Variants in ASPHD2 observed in about 807,000 individuals in gnomAD.
ASPHD2 encodes aspartate beta-hydroxylase domain-containing protein 2.
In ASPHD2, 12 loss-of-function variants were observed where a neutral mutation model predicts 34.6. The observed-to-expected ratio is 0.35, with a 90% CI of 0.22 to 0.56. The LOEUF (loss-of-function observed/expected upper bound fraction) is 0.56, where lower values mean the gene tolerates loss of function less well. ASPHD2 is among the 20% of genes least tolerant of loss of function. ASPHD2 has a pLI of 0.87. For synonymous variants in ASPHD2, 224 were observed against 212.2 expected (o/e 1.06, Z -0.48); for missense variants, 375 against 505.0 (o/e 0.74, Z 2.47).
Position 26,434,275 on chromosome 22 carries a change from G to A in ASPHD2, c.660G>A (p.Met220Ile), listed in dbSNP as rs1245030348. Residue 220 changes from methionine (M) to isoleucine (I), a missense_variant, in exon 2 of 4, where the codon ATG becomes ATA. Around this residue, in one of 3 missense-constraint regions of ASPHD2, gnomAD observed 142 missense variants for 217.9 expected, o/e 0.65. Coordinates refer to ENST00000215906, the MANE Select transcript of ASPHD2 (RefSeq NM_020437.5). ...SNCSLPQGWK[M>I]NSTPSGEWFT... ...GCAGCCTCCCGCAAGGATGGAAAAT[G>A]AACAGCACCCCCAGCGGGGAGTGGT... 1.2e-6 allele frequency: 2 copies of A among 1,614,130 alleles called. No individual in the cohort carries two copies. Among genetic ancestry groups the A allele is most frequent in the South Asian group, 1.1e-5 (1 of 91,086 alleles).
chr22:26,435,791 T>G (rs1047067724), intron 2 of ASPHD2, among the ~76,000 whole-genome samples: 1 of 151,660 alleles, frequency 6.6e-6, no homozygotes, highest in African/African-American at 2.4e-5. Flanking sequence ...GCAATTGACA[T>G]GGTAGGAATT....
intron 2 of ASPHD2, among the ~76,000 whole-genome samples, chr22:26,435,062 C>T (rs949358216): frequency 4.6e-5 from 7 of 152,108 alleles, no homozygotes; most frequent in South Asian, 2.1e-4. Context: ...TGGTCGTATG[C>T]GTACTGTGTG....
At chr22:26,438,638 T>C (rs1156298020) in intron 2 of ASPHD2, among the ~76,000 whole-genome samples, 6 of 35,956 alleles carry the variant, frequency 1.7e-4, no homozygotes, top group Non-Finnish European at 2.5e-4. Flanking sequence ...TATATACATA[T>C]ATATATACAC....
chr22:26,442,490 G>A lies in ASPHD2; in HGVS notation c.918G>A (p.Val306=), dbSNP rs2084856197. The change falls in exon 3 of 4, where the codon GTG becomes GTA. Residue 306 remains valine (V), a synonymous_variant. Transcript: ENST00000215906. ...GLKTPNGCEL[V]VGGEPQCWAE... is the part of the protein sequence containing the mutation. ...AAACTCCAAATGGCTGTGAGCTGGT[G>A]GTGGGGGGAGAGCCCCAGTGCTGGG... is the stretch of plus-strand genomic sequence containing the variant. 6.2e-7 allele frequency: 1 copy of A among 1,608,790 alleles called. No individual in the cohort carries two copies.
Position 26,434,329 on chromosome 22 carries a change from T to C in ASPHD2, c.714T>C (p.Val238=). The change falls in exon 2 of 4, where the codon GTT becomes GTC. Residue 238 remains valine, a synonymous_variant. Transcript: ENST00000215906. ...CCTTTTACTTGGTCAATCAGGGGGT[T>C]TGTGTTCCCAGGAACTGTAGGAAGT... ...WFTFYLVNQG[V]CVPRNCRKCP... is the part of the protein sequence containing the mutation. 1 of 1,614,164 alleles carries C rather than the reference T, an allele frequency of 6.2e-7. No individual in the cohort carries two copies. The highest frequency in any genetic ancestry group is 8.5e-7 in the Non-Finnish European group (1 of 1,180,024).
chr22:26,439,765 G>C (rs1300038563), intron 2 of ASPHD2, among the ~76,000 whole-genome samples: 2 of 152,164 alleles, frequency 1.3e-5, no homozygotes, highest in Non-Finnish European at 2.9e-5. Context: ...CAGAGAGGCT[G>C]AGTGACTTGC....
chr22:26,436,658 C>G (rs535245497), intron 2 of ASPHD2, among the ~76,000 whole-genome samples: 3 of 152,278 alleles, frequency 2.0e-5, no homozygotes, highest in African/African-American at 7.2e-5. Flanking sequence ...TGATGCTCTT[C>G]TTTTGAAAGG....
intron 1 of ASPHD2, among the ~76,000 whole-genome samples, chr22:26,431,111 T>C (rs2084753453): frequency 1.3e-5 from 2 of 152,198 alleles, no homozygotes. Context: ...ACAGACTCAG[T>C]TGAAAAGTTC....
At chr22:26,435,401 G>T (rs1340353942) in intron 2 of ASPHD2, among the ~76,000 whole-genome samples, 1 of 152,188 alleles carries the variant, frequency 6.6e-6, no homozygotes, top group African/African-American at 2.4e-5. Flanking sequence ...TCTCTGGGAT[G>T]GTGGCATCAC....
chr22:26,438,320 C>T (rs915762645), intron 2 of ASPHD2, among the ~76,000 whole-genome samples: 20 of 152,022 alleles, frequency 1.3e-4, no homozygotes, highest in African/African-American at 4.6e-4. Flanking sequence ...TGGCTTCTGT[C>T]AGGATGAGCA....
At chr22:26,437,700 C>T (rs931640702) in intron 2 of ASPHD2, among the ~76,000 whole-genome samples, 4 of 151,676 alleles carry the variant, frequency 2.6e-5, no homozygotes, top group African/African-American at 7.3e-5. Flanking sequence ...GTGGTCTAGC[C>T]GGGTGGTAAC....
At chr22:26,441,478 T>TTAAAA (rs1555883502) in intron 2 of ASPHD2, among the ~76,000 whole-genome samples, 1,242 of 95,624 alleles carry the variant, frequency 0.013, 28 homozygotes, top group South Asian at 0.029. Flanking sequence ...ACCTTGTATC[T>TTAAAA]AAAAAAAAAA....
intron 2 of ASPHD2, among the ~76,000 whole-genome samples, chr22:26,435,185 A>G (rs746206706): frequency 6.6e-5 from 10 of 152,194 alleles, no homozygotes; most frequent in Non-Finnish European, 1.3e-4. Flanking sequence ...CTGAGCCTCA[A>G]TTTCACTATT....
rs531217234 is a variant in ASPHD2 at position 26,434,212 on chromosome 22, G to C, written c.597G>C (p.Leu199=). The change falls in exon 2 of 4, where the codon CTG becomes CTC. Residue 199 remains leucine, a synonymous_variant. Transcript: ENST00000215906. ...EVLERNFQTI[L]CEFETLYKAF... ...TGGAACGGAACTTCCAGACCATCCT[G>C]TGTGAGTTTGAGACCCTCTACAAAG... 1.2e-6 allele frequency: 2 copies of C among 1,614,040 alleles called. No homozygotes were observed. The highest frequency in any genetic ancestry group is 1.1e-5 in the South Asian group (1 of 91,084).
At chr22:26,442,059 T>C (rs2084848709) in intron 2 of ASPHD2, among the ~76,000 whole-genome samples, 1 of 128,228 alleles carries the variant, frequency 7.8e-6, no homozygotes. Context: ...TGAGCCGAGA[T>C]CACACCACTG....
chr22:26,438,634 CATAT>C (rs368513588), intron 2 of ASPHD2, among the ~76,000 whole-genome samples: 2 of 83,400 alleles, frequency 2.4e-5, no homozygotes, highest in African/African-American at 5.0e-5. Flanking sequence ...CATATATATA[CATAT>C]ATATATACAC....
chr22:26,434,552 C>A, intron 2 of ASPHD2, 51 bp downstream of exon 2: 1 of 1,510,050 alleles, frequency 6.6e-7, no homozygotes, highest in South Asian at 1.3e-5. Flanking sequence ...CAAGCTCAGC[C>A]CCTCTCCATC....
Position 26,443,417 on chromosome 22 carries a change from T to TG in ASPHD2, c.*211_*212insG. 1.9e-6 allele frequency: 1 copy of TG among 521,748 alleles called. No homozygotes were observed. The highest frequency in any genetic ancestry group is 2.2e-5 in the South Asian group (1 of 45,450). The allele number at this position is 521,748 out of a possible 1,614,324, so 32.3% of individuals were successfully genotyped here. On this transcript the variant is annotated 3_prime_UTR_variant, in exon 4 of 4. Coordinates refer to ENST00000215906, the MANE Select transcript of ASPHD2 (RefSeq NM_020437.5). ...CGGCTTGTATTTCCTTAGATTTTTT[T>TG]TTTTTCCTTCCAATCATTTGCTTCA...
intron 2 of ASPHD2, among the ~76,000 whole-genome samples, chr22:26,442,196 C>CATTT (rs34520666): frequency 0.43 from 65,362 of 151,246 alleles, 14,390 homozygotes; most frequent in South Asian, 0.5. Flanking sequence ...ATGCTGCTCC[C>CATTT]ATTAGGACCC....
Sources: gnomAD v4.1 joint callset for allele counts (sites outside exome capture counted in the v4.1 genomes callset) on GRCh38, gnomAD v4.1.1 for gene constraint, gnomAD v4.1.1 regional missense constraint, MANE v1.5 for transcripts, NCBI Gene and HGNC (gene_info 2026-07-23, HGNC 2026-07-21) for gene names.